Variants in BTG4 observed in about 807,000 individuals in gnomAD.
BTG4 encodes the protein protein BTG4.
BTG4 carries 10 observed loss-of-function variants against 19.3 expected under a neutral mutation model. That is an observed-to-expected ratio of 0.52 (90% CI 0.32 to 0.88). BTG4 has a LOEUF of 0.88. BTG4 is among the 40% of genes least tolerant of loss of function. The pLI, the probability that BTG4 is intolerant of heterozygous loss-of-function variation, is 0.04. For missense variants in BTG4, 238 were observed against 281.9 expected (o/e 0.84, Z 1.11); for synonymous variants, 91 against 95.7 (o/e 0.95, Z 0.29).
downstream of BTG4, among the ~76,000 whole-genome samples, chr11:111,493,795 T>C (rs1031588113): frequency 6.6e-6 from 1 of 152,162 alleles, no homozygotes; most frequent in African/African-American, 2.4e-5. Flanking sequence ...TGCTGCTATG[T>C]GCCCTAATGA....
chr11:111,497,078 T>TA (rs1250425636), intron 4 of BTG4, 133 bp downstream of exon 4: 2 of 874,940 alleles, frequency 2.3e-6, no homozygotes, highest in Non-Finnish European at 3.4e-6. Flanking sequence ...GCCAAAATAT[T>TA]AAGAGTCTGG....
the BTG4 span, among the ~76,000 whole-genome samples, chr11:111,438,029 C>G: frequency 6.6e-6 from 1 of 152,140 alleles, no homozygotes; most frequent in African/African-American, 2.4e-5. Flanking sequence ...CTACACCCAC[C>G]AGGAAGTAGA....
chr11:111,498,181 T>C, intron 2 of BTG4, 46 bp from the exon 3 acceptor site: 1 of 1,603,952 alleles, frequency 6.2e-7, no homozygotes, highest in Non-Finnish European at 8.5e-7. Flanking sequence ...ACAGACACTT[T>C]AGCAGGAGAA....
chr11:111,400,489 CATA>C, the BTG4 span, among the ~76,000 whole-genome samples: 1 of 152,186 alleles, frequency 6.6e-6, no homozygotes, highest in African/African-American at 2.4e-5. Flanking sequence ...GCAGTACAAA[CATA>C]TTAAATGTCT....
At chr11:111,385,175 A>G in the BTG4 span, 3 of 152,170 alleles carry the variant, frequency 2.0e-5, no homozygotes, top group Non-Finnish European at 4.4e-5. Context: ...CATTCTGTTT[A>G]ACTTTTAATG....
At chr11:111,460,700 T>C in the BTG4 span, among the ~76,000 whole-genome samples, 1 of 152,226 alleles carries the variant, frequency 6.6e-6, no homozygotes, top group African/African-American at 2.4e-5. Flanking sequence ...ATGTATCTTC[T>C]ATCATGAAAG....
chr11:111,461,396 A>G, the BTG4 span, among the ~76,000 whole-genome samples: 3 of 152,136 alleles, frequency 2.0e-5, no homozygotes, highest in Non-Finnish European at 4.4e-5. Context: ...GGGACTCTGG[A>G]GCAGGTGTCA....
chr11:111,500,434 G>C (rs75900238), intron 1 of BTG4, among the ~76,000 whole-genome samples: 5,287 of 152,244 alleles, frequency 0.035, 318 homozygotes, highest in African/African-American at 0.12. Context: ...CTTCCTTTCT[G>C]TGTGGAGCCA....
At chr11:111,457,776 T>C in the BTG4 span, 5 of 150,090 alleles carry the variant, frequency 3.3e-5, no homozygotes, top group African/African-American at 9.8e-5. Context: ...TAGTTCCCCT[T>C]ATGCCACACC....
At chr11:111,435,154 T>TG in the BTG4 span, 7 of 152,232 alleles carry the variant, frequency 4.6e-5, no homozygotes, top group Non-Finnish European at 1.0e-4. Context: ...AAACAGAAGA[T>TG]GTGTTTGGTG....
intron 3 of BTG4, among the ~76,000 whole-genome samples, chr11:111,497,751 T>C (rs1865825873): frequency 6.6e-6 from 1 of 152,212 alleles, no homozygotes; most frequent in Non-Finnish European, 1.5e-5. Context: ...AATCTATAGT[T>C]TGTAATAAGG....
At chr11:111,434,564 T>G in the BTG4 span, among the ~76,000 whole-genome samples, 1 of 137,322 alleles carries the variant, frequency 7.3e-6, no homozygotes, top group Non-Finnish European at 1.5e-5. Flanking sequence ...TTAAAAATAA[T>G]AATAAATTTT....
intron 5 of BTG4, among the ~76,000 whole-genome samples, chr11:111,479,168 C>T (rs960392038): frequency 6.6e-6 from 1 of 152,094 alleles, no homozygotes; most frequent in African/African-American, 2.4e-5. Context: ...ATGACAGCAA[C>T]CTTCTCATCA....
At chr11:111,508,984 C>T (rs968032016) in intron 1 of BTG4, among the ~76,000 whole-genome samples, 14 of 151,924 alleles carry the variant, frequency 9.2e-5, no homozygotes, top group African/African-American at 2.7e-4. Flanking sequence ...CTAAGAGCTC[C>T]GGCAACTTTA....
the BTG4 span, chr11:111,457,044 C>T: frequency 2.6e-5 from 4 of 153,904 alleles, no homozygotes; most frequent in African/African-American, 9.6e-5. Flanking sequence ...GTACCAACAG[C>T]TCCCTGTATC....
chr11:111,498,253 C>A (rs940448696), intron 2 of BTG4, 118 bp from the exon 3 acceptor site: 3 of 1,134,326 alleles, frequency 2.6e-6, no homozygotes, highest in Non-Finnish European at 3.8e-6. Flanking sequence ...CAGCCTCCTT[C>A]CCCTCAGCCT....
intron 5 of BTG4, among the ~76,000 whole-genome samples, chr11:111,472,083 C>T (rs913360090): frequency 2.6e-5 from 4 of 152,230 alleles, no homozygotes; most frequent in Non-Finnish European, 5.9e-5. Context: ...CTCAAGTCCA[C>T]CCTTGTTTCT....
downstream of BTG4, among the ~76,000 whole-genome samples, chr11:111,465,233 A>G (rs1234544670): frequency 1.3e-5 from 2 of 152,136 alleles, no homozygotes; most frequent in Non-Finnish European, 2.9e-5. Context: ...CTTTCAGTAG[A>G]CCACAGTGCA....
chr11:111,436,833 C>T, the BTG4 span, among the ~76,000 whole-genome samples: 7 of 152,108 alleles, frequency 4.6e-5, no homozygotes, highest in African/African-American at 4.8e-5. Flanking sequence ...GAGCGAGCGC[C>T]GTTTGTTTTG....
Sources: allele counts gnomAD v4.1 joint callset (sites outside exome capture counted in the v4.1 genomes callset), GRCh38; gene constraint gnomAD v4.1.1; transcripts MANE v1.5; gene names NCBI Gene and HGNC (gene_info 2026-07-23, HGNC 2026-07-21).